CCDC178: variants seen among roughly 807,000 people sequenced by gnomAD.
CCDC178 encodes the protein coiled-coil domain-containing protein 178.
A neutral mutation model predicts 117.4 loss-of-function variants in CCDC178; 126 were observed. The observed-to-expected ratio is 1.07, with a 90% CI of 0.93 to 1.24. The LOEUF (loss-of-function observed/expected upper bound fraction) is 1.24, where lower values mean the gene tolerates loss of function less well. Ranked by LOEUF, CCDC178 falls within the 50% of genes most tolerant of loss-of-function variation. The probability of loss-of-function intolerance (pLI) is 0.00; values close to 1 mark genes in which losing one functional copy is unlikely to be tolerated. For missense variants in CCDC178, 1,030 were observed against 986.9 expected (o/e 1.04, Z -0.59); for synonymous variants, 283 against 313.4 (o/e 0.90, Z 1.02).
chr18:33,333,461 T>C, intron 9 of CCDC178, 67 bp from the exon 10 acceptor site: 1 of 554,434 alleles, frequency 1.8e-6, no homozygotes, highest in Non-Finnish European at 2.9e-6. Flanking sequence ...TACATAAATA[T>C]AAAACATTTT....
chr18:33,030,713 T>A (rs879927948), intron 21 of CCDC178, among the ~76,000 whole-genome samples: 6 of 151,728 alleles, frequency 4.0e-5, no homozygotes, highest in Non-Finnish European at 5.9e-5. Flanking sequence ...GAGAATTTAA[T>A]GGGGAATTGT....
chr18:33,278,093 C>T (rs1482808595), intron 12 of CCDC178, among the ~76,000 whole-genome samples: 1 of 151,826 alleles, frequency 6.6e-6, no homozygotes, highest in Non-Finnish European at 1.5e-5. Flanking sequence ...CTCTAATGTC[C>T]AAAATCTCAT....
intron 20 of CCDC178, among the ~76,000 whole-genome samples, chr18:33,120,427 A>C (rs939731854): frequency 3.3e-5 from 5 of 152,176 alleles, no homozygotes; most frequent in African/African-American, 4.8e-5. Context: ...TCCTGTAGGC[A>C]TCTCTTATTA....
At chr18:33,268,974 A>G (rs2059854078) in intron 12 of CCDC178, among the ~76,000 whole-genome samples, 1 of 151,804 alleles carries the variant, frequency 6.6e-6, no homozygotes, top group African/African-American at 2.4e-5. Context: ...AGAAGCCTCA[A>G]AGAATAATTT....
At chr18:33,097,982 C>T (rs1477081222) in intron 20 of CCDC178, among the ~76,000 whole-genome samples, 1 of 152,034 alleles carries the variant, frequency 6.6e-6, no homozygotes, top group Non-Finnish European at 1.5e-5. Flanking sequence ...CATGGACCTT[C>T]AAAGCTGGGA....
chr18:33,317,732 G>T (rs765237167), intron 11 of CCDC178, among the ~76,000 whole-genome samples: 1 of 152,070 alleles, frequency 6.6e-6, no homozygotes, highest in Non-Finnish European at 1.5e-5. Flanking sequence ...ATACAGAAAA[G>T]GGGAGATTTG....
intron 20 of CCDC178, among the ~76,000 whole-genome samples, chr18:33,154,267 C>T (rs188344271): frequency 7.0e-4 from 107 of 152,184 alleles, no homozygotes; most frequent in African/African-American, 2.4e-3. Context: ...TTGGAAGACA[C>T]CTAGCAGTCA....
chr18:33,125,318 G>C (rs2057990735), intron 20 of CCDC178, among the ~76,000 whole-genome samples: 2 of 152,110 alleles, frequency 1.3e-5, no homozygotes, highest in East Asian at 3.9e-4. Context: ...ATAAGAACTA[G>C]ATTTCCAGAA....
At chr18:33,317,874 A>C (rs1943952618) in intron 11 of CCDC178, among the ~76,000 whole-genome samples, 1 of 152,180 alleles carries the variant, frequency 6.6e-6, no homozygotes, top group African/African-American at 2.4e-5. Context: ...AGACAGGTTT[A>C]AGCCAAGATA....
At chr18:33,219,612 C>T (rs1231853780) in intron 18 of CCDC178, among the ~76,000 whole-genome samples, 6 of 152,048 alleles carry the variant, frequency 3.9e-5, no homozygotes, top group Non-Finnish European at 8.8e-5. Flanking sequence ...AGGATGAGTT[C>T]ATGTCCTTTG....
chr18:33,415,842 T>C (rs149846105), intron 2 of CCDC178, among the ~76,000 whole-genome samples: 3 of 152,268 alleles, frequency 2.0e-5, no homozygotes, highest in Non-Finnish European at 4.4e-5. Flanking sequence ...GTGCATTATA[T>C]GTAAAACCAA....
In CCDC178 at chr18:32,946,173, C is replaced by T. The variant is rs111384150; in HGVS notation, c.2524-8082G>A. 1.4e-3 allele frequency among the ~76,000 whole-genome samples: 209 copies of T among 152,220 alleles called. 1 individual carries two copies. The highest frequency in any genetic ancestry group is 3.8e-3 in the African/African-American group (158 of 41,526). On this transcript the variant is annotated intron_variant, in intron 22 of 22. Coordinates refer to ENST00000383096, the MANE Select transcript of CCDC178 (RefSeq NM_001105528.4). ...GGAGGCTCTGTGCTCATCAGAGGCC[C>T]TCAAATAATTTTTACTCATGAGAAT...
intron 21 of CCDC178, among the ~76,000 whole-genome samples, chr18:33,015,628 T>C (rs2055971754): frequency 6.8e-6 from 1 of 148,070 alleles, no homozygotes; most frequent in African/African-American, 2.5e-5. Flanking sequence ...TTGGGGAAAA[T>C]ATGGTAAATA....
intron 20 of CCDC178, among the ~76,000 whole-genome samples, chr18:33,188,133 C>T (rs1001197162): frequency 9.3e-5 from 14 of 150,294 alleles, no homozygotes; most frequent in Non-Finnish European, 1.8e-4. Flanking sequence ...CAGCACTAAG[C>T]CAGCAAAGAC....
intron 20 of CCDC178, among the ~76,000 whole-genome samples, chr18:33,188,099 T>C (rs1263454552): frequency 6.6e-6 from 1 of 152,086 alleles, no homozygotes; most frequent in African/African-American, 2.4e-5. Context: ...GATAAAGAAA[T>C]GCTGGAGTGT....
At chr18:33,430,721 T>C (rs185571836) in intron 2 of CCDC178, among the ~76,000 whole-genome samples, 3 of 152,324 alleles carry the variant, frequency 2.0e-5, no homozygotes, top group East Asian at 3.9e-4. Flanking sequence ...GTTGGACTTT[T>C]GCAAAACATA....
At chr18:33,030,615 T>G (rs2056322469) in intron 21 of CCDC178, among the ~76,000 whole-genome samples, 1 of 151,414 alleles carries the variant, frequency 6.6e-6, no homozygotes, top group Admixed American at 6.6e-5. Context: ...GGGAATTGGT[T>G]CACATGAGAT....
chr18:33,231,275 A>G (rs2059364504), intron 15 of CCDC178, among the ~76,000 whole-genome samples: 1 of 152,218 alleles, frequency 6.6e-6, no homozygotes, highest in Non-Finnish European at 1.5e-5. Context: ...GGATAAATCC[A>G]TATTGAGAAA....
chr18:33,335,142 G>GTTGTTGGGT (rs1287386820), intron 9 of CCDC178, among the ~76,000 whole-genome samples: 1 of 151,620 alleles, frequency 6.6e-6, no homozygotes, highest in Non-Finnish European at 1.5e-5. Flanking sequence ...TTACCATTTT[G>GTTGTTGGGT]TTGTTGGGTT....
Sources: allele counts gnomAD v4.1 joint callset (sites outside exome capture counted in the v4.1 genomes callset), GRCh38; gene constraint gnomAD v4.1.1; transcripts MANE v1.5; gene names NCBI Gene and HGNC (gene_info 2026-07-23, HGNC 2026-07-21).